The following CCSER1 variants were observed in gnomAD, a reference collection of about 807,000 sequenced individuals.
The protein encoded by CCSER1 is serine-rich coiled-coil domain-containing protein 1.
A neutral mutation model predicts 82.0 loss-of-function variants in CCSER1; 41 were observed. The ratio of observed to expected loss-of-function variants is 0.50; its 90% CI spans 0.39 to 0.65. CCSER1 has a LOEUF of 0.65. CCSER1 is among the 30% of genes least tolerant of loss of function. The pLI, the probability that CCSER1 is intolerant of heterozygous loss-of-function variation, is 0.00. For synonymous variants in CCSER1, 414 were observed against 383.9 expected, an observed-to-expected ratio of 1.08 and a Z score of -0.92; for missense variants, 1,119 against 1,064.2, an observed-to-expected ratio of 1.05 and a Z score of -0.72.
At chr4:91,196,178 C>CAAAAAAA (rs61336014) in intron 10 of CCSER1, among the ~76,000 whole-genome samples, 9 of 60,776 alleles carry the variant, frequency 1.5e-4, no homozygotes, top group South Asian at 6.2e-4. Context: ...AACAGCGAGA[C>CAAAAAAA]AAAAAAAAAA....
chr4:91,107,344 T>A (rs1725714143), intron 10 of CCSER1, among the ~76,000 whole-genome samples: 1 of 152,166 alleles, frequency 6.6e-6, no homozygotes, highest in Admixed American at 6.5e-5. Context: ...AACCTCCACC[T>A]CCCAGGTTCA....
chr4:90,848,828 T>G (rs1167685005), intron 8 of CCSER1, among the ~76,000 whole-genome samples: 1 of 152,224 alleles, frequency 6.6e-6, no homozygotes, highest in Non-Finnish European at 1.5e-5. Context: ...ATGGTTTTAT[T>G]TATTTTATAT....
intron 9 of CCSER1, among the ~76,000 whole-genome samples, chr4:91,041,122 G>T (rs1208112048): frequency 6.6e-6 from 1 of 152,100 alleles, no homozygotes; most frequent in African/African-American, 2.4e-5. Flanking sequence ...GTAGTATCAG[G>T]TGGACTAGGG....
intron 5 of CCSER1, among the ~76,000 whole-genome samples, chr4:90,625,184 T>C (rs1039303917): frequency 1.7e-4 from 26 of 152,274 alleles, no homozygotes; most frequent in African/African-American, 6.3e-4. Context: ...TTTTCTCCCC[T>C]CACCAGCCTT....
chr4:90,927,155 A>G (rs1729169756), intron 9 of CCSER1, among the ~76,000 whole-genome samples: 2 of 152,000 alleles, frequency 1.3e-5, no homozygotes, highest in South Asian at 4.1e-4. Flanking sequence ...CCTGAAGAAG[A>G]TTGTTTTTGA....
intron 1 of CCSER1, among the ~76,000 whole-genome samples, chr4:90,187,432 T>G (rs141970527): frequency 6.6e-6 from 1 of 151,190 alleles, no homozygotes; most frequent in Non-Finnish European, 1.5e-5. Context: ...CTTATCGGAT[T>G]TCACTCACAC....
chr4:90,932,316 A>G (rs2150290139), intron 9 of CCSER1, among the ~76,000 whole-genome samples: 1 of 152,274 alleles, frequency 6.6e-6, no homozygotes, highest in Middle Eastern at 3.4e-3. Context: ...CTGTTTATAA[A>G]TGGCTTTATA....
At chr4:90,885,159 A>G (rs1721935955) in intron 8 of CCSER1, among the ~76,000 whole-genome samples, 2 of 152,148 alleles carry the variant, frequency 1.3e-5, no homozygotes, top group African/African-American at 4.8e-5. Context: ...AGAGGAAATC[A>G]ATAACCATGA....
chr4:90,943,958 G>A (rs1731915127), intron 9 of CCSER1, among the ~76,000 whole-genome samples: 2 of 151,756 alleles, frequency 1.3e-5, no homozygotes, highest in Admixed American at 1.3e-4. Flanking sequence ...TATCAGGCCG[G>A]CGTTGTGGCT....
At chr4:90,956,527 A>C (rs1394377510) in intron 9 of CCSER1, among the ~76,000 whole-genome samples, 1 of 152,174 alleles carries the variant, frequency 6.6e-6, no homozygotes, top group Non-Finnish European at 1.5e-5. Context: ...TAATTTACCT[A>C]TCCATTAATC....
chr4:90,900,183 G>A (rs1724421680), intron 8 of CCSER1, among the ~76,000 whole-genome samples: 1 of 141,618 alleles, frequency 7.1e-6, no homozygotes, highest in Non-Finnish European at 1.5e-5. Context: ...TTTCTTCCTG[G>A]TTCAATTTTT....
intron 10 of CCSER1, among the ~76,000 whole-genome samples, chr4:91,367,372 C>A (rs1295299533): frequency 6.9e-6 from 1 of 145,494 alleles, no homozygotes; most frequent in Non-Finnish European, 1.5e-5. Context: ...TAATTGAATT[C>A]ATGGTTGTAA....
At chr4:91,588,362 A>T (rs1764109623) in intron 10 of CCSER1, among the ~76,000 whole-genome samples, 1 of 151,648 alleles carries the variant, frequency 6.6e-6, no homozygotes, top group African/African-American at 2.4e-5. Context: ...AATTGCTATT[A>T]TTAAATAAGC....
chr4:90,659,891 T>C (rs1730434536), intron 6 of CCSER1, among the ~76,000 whole-genome samples: 1 of 152,114 alleles, frequency 6.6e-6, no homozygotes, highest in Non-Finnish European at 1.5e-5. Flanking sequence ...CATTTTTTCA[T>C]ATGCTAGATT....
intron 10 of CCSER1, among the ~76,000 whole-genome samples, chr4:91,187,392 G>A (rs80206002): frequency 2.4e-3 from 366 of 152,156 alleles, no homozygotes; most frequent in African/African-American, 7.8e-3. Flanking sequence ...CAAAATTGCC[G>A]TCCAAATAAA....
At position 90,864,225 on chromosome 4, in the gene CCSER1, C is replaced by T. The variant is rs1258584781; in HGVS notation, c.2094+48380C>T. On this transcript the variant is annotated intron_variant, in intron 8 of 10. Coordinates refer to ENST00000509176, the MANE Select transcript of CCSER1 (RefSeq NM_001145065.2). ...GTGCTCTATGCTTGCTTTCTACATGCCTCTGTGATAAACAGATTCTTTTAT... is the reference window on the plus strand; with the variant it reads ...GTGCTCTATGCTTGCTTTCTACATGTCTCTGTGATAAACAGATTCTTTTAT... Among the ~76,000 whole-genome samples the T allele has an allele frequency of 3.3e-5, 5 of 151,742 alleles. 1 individual carries two copies. The South Asian group carries it at 6.2e-4, about 19-fold the overall frequency.
Position 91,599,091 on chromosome 4 carries a change from A to G in CCSER1, c.*34A>G. The G allele has an allele frequency of 6.7e-7, 1 of 1,488,838 alleles. No homozygotes were observed. The highest frequency in any genetic ancestry group is 1.3e-5 in the South Asian group (1 of 75,252). 92.2% of individuals were successfully genotyped at this position (1,488,838 alleles called of 1,614,324 possible). On this transcript the variant is annotated 3_prime_UTR_variant, in exon 11 of 11. Transcript: ENST00000509176. ...CCGTATTCCTGTCTTTGGGTAGGAT[A>G]AAGATGGTTAGTGTTTCTCGTGCAT...
At chr4:91,358,770 A>G (rs1313150153) in intron 10 of CCSER1, among the ~76,000 whole-genome samples, 1 of 152,062 alleles carries the variant, frequency 6.6e-6, no homozygotes, top group Non-Finnish European at 1.5e-5. Context: ...GGGGCCTGCT[A>G]TGTGCGCTGC....
intron 10 of CCSER1, among the ~76,000 whole-genome samples, chr4:91,148,761 T>C (rs939452874): frequency 6.6e-6 from 1 of 152,230 alleles, no homozygotes; most frequent in African/African-American, 2.4e-5. Context: ...TACGATAGTT[T>C]GCTGAGAATG....
Sources: allele counts gnomAD v4.1 joint callset (sites outside exome capture counted in the v4.1 genomes callset), GRCh38; gene constraint gnomAD v4.1.1; transcripts MANE v1.5; gene names NCBI Gene and HGNC (gene_info 2026-07-23, HGNC 2026-07-21).